Variants in SLCO4A1 observed in about 807,000 individuals in gnomAD.
The protein encoded by SLCO4A1 is solute carrier organic anion transporter family member 4A1, also known as colon organic anion transporter.
A neutral mutation model predicts 64.6 loss-of-function variants in SLCO4A1; 51 were observed. The ratio of observed to expected loss-of-function variants is 0.79; its 90% CI spans 0.63 to 1.00. The LOEUF is 1.00. Among genes scored for constraint, SLCO4A1 ranks in the 50% least tolerant of loss-of-function variants. The pLI is 0.00. For missense variants in SLCO4A1, 919 were observed against 980.5 expected (o/e 0.94, Z 0.84); for synonymous variants, 471 against 444.9 (o/e 1.06, Z -0.74).
chr20:62,662,424 G>T (rs1985151907), intron 5 of SLCO4A1, among the ~76,000 whole-genome samples: 1 of 152,152 alleles, frequency 6.6e-6, no homozygotes, highest in Admixed American at 6.5e-5. Context: ...GTGGCTGTGA[G>T]CCCCCAGTGT....
At chr20:62,689,341 C>CCCCGGCTGTGCCCCG (rs1988160971), downstream of SLCO4A1, among the ~76,000 whole-genome samples, 5 of 152,098 alleles carry the variant, frequency 3.3e-5, no homozygotes, top group Admixed American at 6.5e-5. Context: ...GCAGGCCTGT[C>CCCCGGCTGTGCCCCG]TCTTGGGCAG....
rs188133477 is a variant in SLCO4A1, at chr20:62,665,109, G to A, written c.1276+21G>A. The stretch of plus-strand genomic sequence containing the variant: ...GTTTGGTGAGAAAACTGAATCTTGG[G>A]GGTCCTCTGCTTTTATGTCAGTTCT... On this transcript the variant is annotated intron_variant, in intron 6 of 11. Coordinates refer to ENST00000217159, the MANE Select transcript of SLCO4A1 (RefSeq NM_016354.4). The A allele has an allele frequency of 9.2e-3, 14,638 of 1,594,562 alleles. 119 individuals are homozygous for A. The highest frequency in any genetic ancestry group is 0.025 in the South Asian group (2,156 of 87,816).
chr20:62,652,684 T>A (rs1465476414), intron 1 of SLCO4A1, among the ~76,000 whole-genome samples: 1 of 152,064 alleles, frequency 6.6e-6, no homozygotes, highest in African/African-American at 2.4e-5. Flanking sequence ...ACGCAGCAGG[T>A]CCCAAACCAG....
At chr20:62,658,840 A>G (rs1984246661) in intron 3 of SLCO4A1, 73 bp downstream of exon 3, 2 of 1,304,630 alleles carry the variant, frequency 1.5e-6, no homozygotes, top group East Asian at 5.0e-5. Context: ...CAGAGTCAGC[A>G]GGGCCCACTC....
chr20:62,668,150 C>T lies in SLCO4A1; in HGVS notation c.1777C>T (p.Leu593Phe). Residue 593 changes from leucine (L) to phenylalanine (F), a missense_variant, in exon 9 of 12, where the codon CTC (leucine) becomes TTC (phenylalanine). By Grantham distance (22) the Leu-to-Phe change is conservative (BLOSUM62 0). Transcript: ENST00000217159. ...ATTCGTTGTAATTTTCTTTACATTC[C>T]TCAGCAGCATTCCTGCACTAACGGC... ...FIFVVIFFTF[L>F]SSIPALTATL... 1 of 1,614,016 alleles carries T rather than the reference C, an allele frequency of 6.2e-7. No individual in the cohort carries two copies. Among genetic ancestry groups the T allele is most frequent in the Non-Finnish European group, 8.5e-7 (1 of 1,180,044 alleles).
intron 5 of SLCO4A1, among the ~76,000 whole-genome samples, chr20:62,662,678 C>G (rs947963245): frequency 6.6e-6 from 1 of 152,190 alleles, no homozygotes; most frequent in African/African-American, 2.4e-5. Flanking sequence ...CCACACACCC[C>G]GGAGCCTGGG....
intron 2 of SLCO4A1, 80 bp downstream of exon 2, chr20:62,657,330 C>G (rs1392406109): frequency 1.5e-6 from 2 of 1,292,428 alleles, no homozygotes; most frequent in African/African-American, 3.0e-5. Flanking sequence ...TGGCCGGAGC[C>G]AGCCCCGCCC....
downstream of SLCO4A1, among the ~76,000 whole-genome samples, chr20:62,686,065 C>G (rs556454779): frequency 1.0e-3 from 159 of 152,286 alleles, 1 homozygote; most frequent in Admixed American, 4.1e-3. Context: ...ACTCCGAGAG[C>G]CCCTGCGTCC....
chr20:62,674,852 A>G (rs1012891593), downstream of SLCO4A1, among the ~76,000 whole-genome samples: 2 of 152,216 alleles, frequency 1.3e-5, no homozygotes, highest in Non-Finnish European at 2.9e-5. Context: ...ACTAGAAGAC[A>G]GCCGTCTGCA....
chr20:62,655,422 CT>C (rs1275645567), intron 1 of SLCO4A1, among the ~76,000 whole-genome samples: 3 of 152,210 alleles, frequency 2.0e-5, no homozygotes, highest in African/African-American at 7.2e-5. Flanking sequence ...CGGTTTATTT[CT>C]GACGGGGAAA....
chr20:62,652,409 TTCGGCGG>T (rs1230725402), intron 1 of SLCO4A1, among the ~76,000 whole-genome samples: 3 of 152,106 alleles, frequency 2.0e-5, no homozygotes, highest in African/African-American at 7.2e-5. Flanking sequence ...TGCTTTCTGT[TTCGGCGG>T]CCGGCGGCCG....
At chr20:62,652,413 G>T (rs1372677353) in intron 1 of SLCO4A1, among the ~76,000 whole-genome samples, 1 of 151,776 alleles carries the variant, frequency 6.6e-6, no homozygotes, top group Non-Finnish European at 1.5e-5. Context: ...TTCTGTTTCG[G>T]CGGCCGGCGG....
chr20:62,657,219 C>G lies in SLCO4A1; in HGVS notation c.765C>G (p.Asn255Lys). ...YTLGVTYLDE[N>K]VKSSCSPVYI... ...TGGGCGTCACCTACCTGGATGAGAA[C>G]GTCAAGTCCAGCTGCTCGCCCGTCT... The change falls in exon 2 of 12, where the codon AAC becomes AAG. Residue 255 changes from asparagine (N) to lysine (K), a missense_variant. Asn to Lys is a moderately conservative substitution (Grantham distance 94, BLOSUM62 0). Coordinates refer to ENST00000217159, the MANE Select transcript of SLCO4A1 (RefSeq NM_016354.4). 10 of 1,538,666 alleles carry G rather than the reference C, an allele frequency of 6.5e-6. No individual in the cohort carries two copies. The highest frequency in any genetic ancestry group is 8.8e-6 in the Non-Finnish European group (10 of 1,137,940).
intron 9 of SLCO4A1, 43 bp from the exon 10 acceptor site, chr20:62,668,434 A>C (rs778689675): frequency 3.1e-6 from 5 of 1,594,808 alleles, no homozygotes; most frequent in Non-Finnish European, 4.3e-6. Context: ...TTGGCATGCA[A>C]CCCCACTTCT....
intron 1 of SLCO4A1, among the ~76,000 whole-genome samples, chr20:62,646,384 C>T (rs1338350606): frequency 6.6e-6 from 1 of 152,260 alleles, no homozygotes; most frequent in Non-Finnish European, 1.5e-5. Flanking sequence ...AGGTCCTTTC[C>T]TCTTCCCCAG....
chr20:62,661,041 C>CCCCCCCCCCCCCCCAAAA lies in SLCO4A1; in HGVS notation c.1010-23_1010-22insCCCCCCCCCCCCCCAAAA. 5 of 1,424,134 alleles carry CCCCCCCCCCCCCCCAAAA rather than the reference C, an allele frequency of 3.5e-6. No individual in the cohort carries two copies. The highest frequency in any genetic ancestry group is 2.0e-6 in the Non-Finnish European group (2 of 1,010,134). The allele number at this position is 1,424,134 out of a possible 1,614,324, so 88.2% of individuals were successfully genotyped here. A position where few individuals can be genotyped will look rare whatever the true frequency, so the allele number is the denominator to read the frequency against. ...TCCGGGAGCCCCCAGCCCCCAGCCCCAGCTCACTCTGTGCCCTTCCAGGCT... is the reference window on the plus strand; with the variant it reads ...TCCGGGAGCCCCCAGCCCCCAGCCCCCCCCCCCCCCCCCCAAAAAGCTCACTCTGTGCCCTTCCAGGCT... On this transcript the variant is annotated intron_variant, in intron 4 of 11. Transcript: ENST00000217159. This position sits in a 1 kb window ranked among gnomAD's most constrained non-coding sequence, Gnocchi z 5.2.
chr20:62,671,668 G>A, intron 11 of SLCO4A1, 82 bp from the exon 12 acceptor site: 1 of 1,349,408 alleles, frequency 7.4e-7, no homozygotes, highest in Non-Finnish European at 1.0e-6. Flanking sequence ...CTGGGGCAGG[G>A]ACAGGACTGG....
intron 3 of SLCO4A1, among the ~76,000 whole-genome samples, 158 bp downstream of exon 3, chr20:62,658,925 G>C (rs1984267579): frequency 6.6e-6 from 1 of 152,242 alleles, no homozygotes; most frequent in Non-Finnish European, 1.5e-5. Flanking sequence ...CTTGGCTCTG[G>C]AGGACTCGGA....
At chr20:62,671,278 G>A (rs938871652) in intron 11 of SLCO4A1, among the ~76,000 whole-genome samples, 5 of 152,224 alleles carry the variant, frequency 3.3e-5, no homozygotes, top group Admixed American at 6.5e-5. Context: ...TGGGGGCAGG[G>A]CGGGCTCCTT....
Sources: gnomAD v4.1 joint callset for allele counts (sites outside exome capture counted in the v4.1 genomes callset) on GRCh38, gnomAD v4.1.1 for gene constraint, Gnocchi (gnomAD v3.1) non-coding constraint, MANE v1.5 for transcripts, NCBI Gene and HGNC (gene_info 2026-07-23, HGNC 2026-07-21) for gene names.